Variants in SUPT3H observed in about 807,000 individuals in gnomAD.
SUPT3H encodes the protein SPT3 homolog, SAGA and STAGA complex component.
SUPT3H carries 44 observed loss-of-function variants against 44.3 expected under a neutral mutation model. The ratio of observed to expected loss-of-function variants is 0.99; its 90% CI spans 0.78 to 1.28. SUPT3H has a LOEUF of 1.28. Among genes scored for constraint, SUPT3H ranks in the 50% most tolerant of loss-of-function variants. The pLI is 0.00. For missense variants in SUPT3H, 380 were observed against 387.1 expected, an observed-to-expected ratio of 0.98 and a Z score of 0.15; for synonymous variants, 124 against 125.6, an observed-to-expected ratio of 0.99 and a Z score of 0.09.
rs538588623 is a variant in SUPT3H, at chr6:44,988,758, C to T, written c.504+14895G>A. The stretch of plus-strand genomic sequence containing the variant: ...AACATGTATTTGATAGATATTGCCA[C>T]ATGTATTTCCAGAAAGCTGTATCAA... On this transcript the variant is annotated intron_variant, in intron 6 of 10. Coordinates refer to ENST00000371459, the MANE Select transcript of SUPT3H (RefSeq NM_003599.4). Among the ~76,000 whole-genome samples the T allele has an allele frequency of 2.7e-4, 41 of 152,112 alleles. 1 individual carries two copies. The South Asian group carries it at 7.9e-3, about 29-fold the overall frequency.
At position 45,049,318 on chromosome 6, in the gene SUPT3H, G is replaced by A. The variant is rs572507641; in HGVS notation, c.187-28686C>T. ...TAAAAGATAACCTTCATTATTCAGG[G>A]ATGCTCCAAGGGGCCTCTGTCCCAC... On this transcript the variant is annotated intron_variant, in intron 3 of 10. Transcript: ENST00000371459. Among the ~76,000 whole-genome samples, 6 of 152,160 alleles carry A rather than the reference G, an allele frequency of 3.9e-5. No homozygotes were observed. The South Asian group carries it at 1.0e-3, about 26-fold the overall frequency.
chr6:44,902,128 T>C (rs1028345329), intron 10 of SUPT3H, among the ~76,000 whole-genome samples: 14 of 152,030 alleles, frequency 9.2e-5, no homozygotes, highest in African/African-American at 3.4e-4. Context: ...ACGAGCAAAA[T>C]CACCAGCTAA....
At position 45,154,306 on chromosome 6, in the gene SUPT3H, T is replaced by C. The variant is rs567808686; in HGVS notation, c.102-48300A>G. On this transcript the variant is annotated intron_variant, in intron 2 of 10. Coordinates refer to ENST00000371459, the MANE Select transcript of SUPT3H (RefSeq NM_003599.4). ...TGGAGGATGATGCTTAGTCAATGTC[T>C]GTTCAATGAAGAAATGACTGAACAA... Among the ~76,000 whole-genome samples the C allele has an allele frequency of 7.9e-5, 12 of 152,148 alleles. No homozygotes were observed. The East Asian group carries it at 2.3e-3, about 29-fold the overall frequency.
At chr6:44,861,042 AATTTTCTC>A (rs1290964785) in intron 10 of SUPT3H, among the ~76,000 whole-genome samples, 9 of 152,106 alleles carry the variant, frequency 5.9e-5, no homozygotes, top group Admixed American at 2.0e-4. Context: ...GAGATACTCT[AATTTTCTC>A]ATTTTCTCAG....
At chr6:45,068,425 G>T (rs1793791442) in intron 3 of SUPT3H, among the ~76,000 whole-genome samples, 1 of 149,160 alleles carries the variant, frequency 6.7e-6, no homozygotes, top group Non-Finnish European at 1.5e-5. Context: ...TAACTAACCT[G>T]CACAATGTGC....
intron 2 of SUPT3H, among the ~76,000 whole-genome samples, chr6:45,171,713 C>CTTTTTTTTTTTTTTT (rs777154020): frequency 1.1e-5 from 1 of 93,474 alleles, no homozygotes; most frequent in African/African-American, 4.5e-5. Flanking sequence ...ATTCCACTTG[C>CTTTTTTTTTTTTTTT]TTTTTTTTTT....
At chr6:45,168,740 CTG>C (rs1810316590) in intron 2 of SUPT3H, among the ~76,000 whole-genome samples, 1 of 152,162 alleles carries the variant, frequency 6.6e-6, no homozygotes, top group African/African-American at 2.4e-5. Context: ...AAAGTGAACA[CTG>C]TGAGCAATGG....
At chr6:45,046,721 C>T (rs919741730) in intron 3 of SUPT3H, among the ~76,000 whole-genome samples, 7 of 152,218 alleles carry the variant, frequency 4.6e-5, no homozygotes, top group Non-Finnish European at 8.8e-5. Flanking sequence ...AAGTCCTTTG[C>T]ATTTCCACAT....
intron 2 of SUPT3H, among the ~76,000 whole-genome samples, chr6:45,120,651 A>C (rs1466444892): frequency 6.6e-6 from 1 of 152,100 alleles, no homozygotes; most frequent in East Asian, 1.9e-4. Flanking sequence ...AACCAAAAAA[A>C]GGAATCTATT....
At chr6:45,305,414 CACAAATACATCT>C (rs1782839237) in intron 2 of SUPT3H, among the ~76,000 whole-genome samples, 1 of 152,172 alleles carries the variant, frequency 6.6e-6, no homozygotes, top group Non-Finnish European at 1.5e-5. Flanking sequence ...AAAGTCTTTT[CACAAATACATCT>C]ACATAAATTC....
At chr6:44,987,981 A>AT (rs779270822) in intron 6 of SUPT3H, among the ~76,000 whole-genome samples, 1 of 152,114 alleles carries the variant, frequency 6.6e-6, no homozygotes, top group Non-Finnish European at 1.5e-5. Flanking sequence ...CGCCAAGGGT[A>AT]TTTGAGATTC....
At chr6:45,072,666 C>G (rs1794541212) in intron 3 of SUPT3H, among the ~76,000 whole-genome samples, 1 of 151,762 alleles carries the variant, frequency 6.6e-6, no homozygotes, top group Non-Finnish European at 1.5e-5. Flanking sequence ...AAAACAGCAG[C>G]AAAAAAAATT....
intron 6 of SUPT3H, among the ~76,000 whole-genome samples, chr6:44,996,754 A>G (rs912409972): frequency 6.6e-6 from 1 of 151,930 alleles, no homozygotes; most frequent in Non-Finnish European, 1.5e-5. Context: ...AAGTCCTTCC[A>G]TATTACCTGT....
chr6:44,972,267 T>C (rs1295718612), intron 6 of SUPT3H, among the ~76,000 whole-genome samples: 2 of 152,096 alleles, frequency 1.3e-5, no homozygotes, highest in Non-Finnish European at 2.9e-5. Context: ...TTGGCCAAAA[T>C]GAAGGGGTTA....
intron 2 of SUPT3H, among the ~76,000 whole-genome samples, chr6:45,292,320 A>C (rs539023625): frequency 6.6e-6 from 1 of 152,320 alleles, no homozygotes; most frequent in East Asian, 1.9e-4. Flanking sequence ...CTGGAAGCAC[A>C]TCAAAATAGA....
At chr6:45,274,237 A>G (rs1401744830) in intron 2 of SUPT3H, among the ~76,000 whole-genome samples, 2 of 152,204 alleles carry the variant, frequency 1.3e-5, no homozygotes, top group African/African-American at 4.8e-5. Context: ...CATTGAGTGA[A>G]CTGTGCTTTT....
chr6:45,187,372 G>A (rs1398360172), intron 2 of SUPT3H, among the ~76,000 whole-genome samples: 1 of 151,006 alleles, frequency 6.6e-6, no homozygotes, highest in East Asian at 2.0e-4. Context: ...CCAAGATTGT[G>A]CCATTGCACT....
chr6:45,244,464 CTTCA>C (rs1427830505), intron 2 of SUPT3H, among the ~76,000 whole-genome samples: 3 of 152,054 alleles, frequency 2.0e-5, no homozygotes, highest in Admixed American at 1.3e-4. Context: ...TTATGCTCTC[CTTCA>C]TTATTTAAAT....
chr6:45,117,608 T>C (rs1272504167), intron 2 of SUPT3H, among the ~76,000 whole-genome samples: 1 of 152,182 alleles, frequency 6.6e-6, no homozygotes, highest in East Asian at 1.9e-4. Context: ...AAAAACCACC[T>C]GGCAATAATT....
Sources: gnomAD v4.1 joint callset for allele counts (sites outside exome capture counted in the v4.1 genomes callset) on GRCh38, gnomAD v4.1.1 for gene constraint, MANE v1.5 for transcripts, NCBI Gene and HGNC (gene_info 2026-07-23, HGNC 2026-07-21) for gene names.